Variants in STT3A observed in about 807,000 individuals in gnomAD.
STT3A encodes the protein dolichyl-diphosphooligosaccharide--protein glycosyltransferase subunit STT3A.
A neutral mutation model predicts 89.2 loss-of-function variants in STT3A; 34 were observed. The ratio of observed to expected loss-of-function variants is 0.38; its 90% CI spans 0.29 to 0.51. The LOEUF is 0.51. STT3A is among the 20% of genes least tolerant of loss of function. The pLI is 0.89. For missense variants in STT3A, 555 were observed against 889.5 expected (o/e 0.62, Z 4.78); for synonymous variants, 282 against 310.3 (o/e 0.91, Z 0.96).
intron 8 of STT3A, among the ~76,000 whole-genome samples, chr11:125,606,825 A>G (rs1939854637): frequency 6.6e-6 from 1 of 152,220 alleles, no homozygotes; most frequent in Admixed American, 6.5e-5. Flanking sequence ...AATGGCATCT[A>G]ATTGTAAGTG....
chr11:125,601,751 A>G (rs1226278967), intron 3 of STT3A, among the ~76,000 whole-genome samples: 1 of 151,974 alleles, frequency 6.6e-6, no homozygotes, highest in Non-Finnish European at 1.5e-5. Context: ...GAAGTATCCC[A>G]TTTGATTGCT....
In STT3A at chr11:125,614,023, T is replaced by C. The variant is rs1940097849; in HGVS notation, c.1555-64T>C. 3.4e-6 allele frequency: 5 copies of C among 1,451,074 alleles called. No homozygotes were observed. Among genetic ancestry groups the C allele is most frequent in the East Asian group, 2.3e-5 (1 of 43,792 alleles). The allele number at this position is 1,451,074 out of a possible 1,614,324, so 89.9% of individuals were successfully genotyped here. ...TCTGTCAGACCAAAGATGCCTTCTC[T>C]GTTGCATTTGATTTTTAGAGACAGT... On this transcript the variant is annotated intron_variant, in intron 13 of 17. Coordinates refer to ENST00000392708, the MANE Select transcript of STT3A (RefSeq NM_152713.5). The surrounding 1 kb of genome is among the most constrained non-coding windows in gnomAD (Gnocchi z 4.9).
At chr11:125,592,765 C>T (rs1419359096), upstream of STT3A, 1 of 278,972 alleles carries the variant, frequency 3.6e-6, no homozygotes, top group African/African-American at 2.2e-5. Flanking sequence ...CAGACAGTTC[C>T]GAGACCCTAT....
chr11:125,601,043 T>C (rs1939658033), intron 3 of STT3A, among the ~76,000 whole-genome samples: 1 of 152,258 alleles, frequency 6.6e-6, no homozygotes, highest in African/African-American at 2.4e-5. Flanking sequence ...TGCCTCAGTC[T>C]TCCAAAGTGC....
At chr11:125,608,047 C>T in intron 8 of STT3A, 62 bp from the exon 9 acceptor site, 2 of 1,494,404 alleles carry the variant, frequency 1.3e-6, no homozygotes, top group South Asian at 1.4e-5. Flanking sequence ...ATAATGCAGG[C>T]CTGCACTGGA....
rs1295565283 is a variant in STT3A at position 125,622,578 on chromosome 11, C to T, written c.*1768C>T. 1 of 152,174 alleles carries T rather than the reference C, an allele frequency of 6.6e-6. No individual in the cohort carries two copies. The highest frequency in any genetic ancestry group is 1.5e-5 in the Non-Finnish European group (1 of 68,046). 9.4% of individuals were successfully genotyped at this position (152,174 alleles called of 1,614,324 possible). ...TCTTCATTTTCACTGTTATTGTGTA[C>T]TTAGCATAAAAAACTCAAATCTAGG... is the stretch of plus-strand genomic sequence containing the variant. On this transcript the variant is annotated 3_prime_UTR_variant, in exon 18 of 18. Transcript: ENST00000392708.
At chr11:125,606,084 A>C (rs945411170) in intron 7 of STT3A, 3 of 506,982 alleles carry the variant, frequency 5.9e-6, no homozygotes, top group Non-Finnish European at 1.0e-5. Flanking sequence ...TCTTTTTTAA[A>C]ATTTATTTTA....
Position 125,620,979 on chromosome 11 carries a change from TG to T in STT3A, c.*170del. 1 of 493,014 alleles carries T rather than the reference TG, an allele frequency of 2.0e-6. No individual in the cohort carries two copies. Among genetic ancestry groups the T allele is most frequent in the Non-Finnish European group, 3.5e-6 (1 of 282,902 alleles). 30.5% of individuals were successfully genotyped at this position (493,014 alleles called of 1,614,324 possible). A position where few individuals can be genotyped will look rare whatever the true frequency, so the allele number is the denominator to read the frequency against. ...GCAGTATGGGCTGGGCCAAATGAAATGATTTTTATAATTCTAAACAGGTTAC... is the reference window on the plus strand; with the variant it reads ...GCAGTATGGGCTGGGCCAAATGAAATATTTTTATAATTCTAAACAGGTTAC... On this transcript the variant is annotated 3_prime_UTR_variant, in exon 18 of 18. Transcript: ENST00000392708.
At chr11:125,609,294 A>C (rs1481581660) in intron 9 of STT3A, 140 bp from the exon 10 acceptor site, 5 of 1,008,734 alleles carry the variant, frequency 5.0e-6, no homozygotes, top group Non-Finnish European at 5.6e-6. Context: ...GAAACTCTCT[A>C]AGTATTGGTG....
At chr11:125,612,818 G>T (rs11220158) in intron 12 of STT3A, 71 bp downstream of exon 12, 1 of 1,565,578 alleles carries the variant, frequency 6.4e-7, no homozygotes, top group Non-Finnish European at 8.7e-7. Flanking sequence ...TGTGGGCAGC[G>T]GGGGGTGGGA....
Position 125,612,991 on chromosome 11 carries a change from G to A in STT3A, c.1368G>A (p.Val456=). The change falls in exon 13 of 18, where the codon GTG becomes GTA. Residue 456 remains valine (V), a splice_region_variant and synonymous_variant. Transcript: ENST00000392708. The stretch of plus-strand genomic sequence containing the variant: ...ATTAATTCTTTTTCCTTGTTTAGGT[G>A]GCAAGTGGGATGATACTGGTCATGG... ...QDSTYPIKNE[V]ASGMILVMAF... 1 of 1,613,678 alleles carries A rather than the reference G, an allele frequency of 6.2e-7. No individual in the cohort carries two copies. Among genetic ancestry groups the A allele is most frequent in the South Asian group, 1.1e-5 (1 of 91,046 alleles).
At chr11:125,604,377 G>A (rs964081107) in intron 6 of STT3A, 130 bp downstream of exon 6, 8 of 848,478 alleles carry the variant, frequency 9.4e-6, no homozygotes, top group Middle Eastern at 3.1e-4. Context: ...GGGCAGGAAC[G>A]GATCTTGGAC....
chr11:125,613,209 T>G lies in STT3A; in HGVS notation c.1554+32T>G. On this transcript the variant is annotated intron_variant, in intron 13 of 17. Transcript: ENST00000392708. The surrounding 1 kb of genome is among the most constrained non-coding windows in gnomAD (Gnocchi z 4.2). ...ATTTGGGAGGGGTGGGAATTGTGGG[T>G]TAGGGGCAAAGGGGAAGACATTTGA... 6.2e-7 allele frequency: 1 copy of G among 1,608,974 alleles called. No individual in the cohort carries two copies. Among genetic ancestry groups the G allele is most frequent in the Non-Finnish European group, 8.5e-7 (1 of 1,176,996 alleles).
At position 125,613,901 on chromosome 11, in the gene STT3A, TA is replaced by T. The variant is rs1940094934; in HGVS notation, c.1555-184del. ...GTTTGTTATTTGTGCTGAGATTTTATAATTGTATATAAATGGAAGACCAGGT... is the reference window on the plus strand; with the variant it reads ...GTTTGTTATTTGTGCTGAGATTTTATATTGTATATAAATGGAAGACCAGGT... On this transcript the variant is annotated intron_variant, in intron 13 of 17. Transcript: ENST00000392708. The surrounding 1 kb of genome is among the most constrained non-coding windows in gnomAD (Gnocchi z 4.2). 3.5e-6 allele frequency: 2 copies of T among 570,094 alleles called. No homozygotes were observed. The highest frequency in any genetic ancestry group is 4.0e-5 in the South Asian group (2 of 49,922). The allele number at this position is 570,094 out of a possible 1,614,324, so 35.3% of individuals were successfully genotyped here.
chr11:125,599,963 A>G (rs1160173091), intron 3 of STT3A, among the ~76,000 whole-genome samples: 2 of 149,234 alleles, frequency 1.3e-5, no homozygotes, highest in East Asian at 4.0e-4. Context: ...TTCTGTGCTC[A>G]AGCGATCCAT....
Position 125,613,142 on chromosome 11 carries a change from G to A in STT3A, c.1519G>A (p.Glu507Lys). Residue 507 changes from glutamate (E) to lysine (K), a missense_variant, in exon 13 of 18, where the codon GAA (glutamate) becomes AAA (lysine). Glu to Lys is a moderately conservative substitution (Grantham distance 56, BLOSUM62 1). This residue lies in a region of STT3A where 273 missense variants were observed against 449.8 expected (regional missense o/e 0.61). Coordinates refer to ENST00000392708, the MANE Select transcript of STT3A (RefSeq NM_152713.5). This position sits in a 1 kb window ranked among gnomAD's most constrained non-coding sequence, Gnocchi z 4.2. ...GSRIIFDDFREAYYWLRHNTP... is the reference protein window; with the variant it reads ...GSRIIFDDFRKAYYWLRHNTP... Reference sequence around the variant, plus strand: ...TAGGATCATATTTGATGACTTCCGAGAAGCATATTATTGGCTTCGTCATAA... The same window carrying A: ...TAGGATCATATTTGATGACTTCCGAAAAGCATATTATTGGCTTCGTCATAA... 1 of 1,612,074 alleles carries A rather than the reference G, an allele frequency of 6.2e-7. No homozygotes were observed. Among genetic ancestry groups the A allele is most frequent in the Non-Finnish European group, 8.5e-7 (1 of 1,178,758 alleles).
intron 17 of STT3A, 78 bp from the exon 18 acceptor site, chr11:125,620,694 G>A: frequency 7.1e-7 from 1 of 1,401,780 alleles, no homozygotes; most frequent in Non-Finnish European, 1.0e-6. Context: ...TGCCCACTCT[G>A]GGTGAATCCA....
At chr11:125,593,782 C>T (rs931979235) in intron 1 of STT3A, 2 of 152,192 alleles carry the variant, frequency 1.3e-5, no homozygotes, top group African/African-American at 4.8e-5. Flanking sequence ...TCTTCTGGGA[C>T]AGTTAATTAT....
intron 3 of STT3A, among the ~76,000 whole-genome samples, chr11:125,600,506 C>T (rs1490467375): frequency 5.3e-5 from 8 of 151,762 alleles, no homozygotes; most frequent in Non-Finnish European, 8.8e-5. Context: ...GGACTACAGG[C>T]GTGTGCCACT....
Sources: gnomAD v4.1 joint callset for allele counts (sites outside exome capture counted in the v4.1 genomes callset) on GRCh38, gnomAD v4.1.1 for gene constraint, gnomAD v4.1.1 regional missense constraint, Gnocchi (gnomAD v3.1) non-coding constraint, MANE v1.5 for transcripts, NCBI Gene and HGNC (gene_info 2026-07-23, HGNC 2026-07-21) for gene names.